NANOGNB: variants seen among roughly 807,000 people sequenced by gnomAD.
NANOGNB encodes the protein homeobox C14.
In NANOGNB, 30 loss-of-function variants were observed where a neutral mutation model predicts 25.0. The ratio of observed to expected loss-of-function variants is 1.20; its 90% confidence interval spans 0.90 to 1.63. The LOEUF (loss-of-function observed/expected upper bound fraction) is 1.63, where lower values mean the gene tolerates loss of function less well. NANOGNB is among the 40% of genes most tolerant of loss of function. The pLI is 0.00. For missense variants in NANOGNB, 200 were observed against 188.1 expected, an observed-to-expected ratio of 1.06 and a Z score of -0.37; for synonymous variants, 84 against 62.1, an observed-to-expected ratio of 1.35 and a Z score of -1.66.
intron 1 of NANOGNB, chr12:7,766,191 C>A (rs1337759053): frequency 1.3e-5 from 5 of 398,554 alleles, no homozygotes; most frequent in Admixed American, 8.8e-5. Flanking sequence ...TGGGGACAGG[C>A]CAGGCACAGT....
At chr12:7,767,469 C>G (rs139336502) in intron 1 of NANOGNB, among the ~76,000 whole-genome samples, 1 of 150,784 alleles carries the variant, frequency 6.6e-6, no homozygotes, top group African/African-American at 2.4e-5. Flanking sequence ...AATGCCAAGG[C>G]GGACAGATCA....
chr12:7,770,616 A>G (rs1266601952), intron 3 of NANOGNB, 98 bp downstream of exon 3: 6 of 774,296 alleles, frequency 7.7e-6, no homozygotes, highest in Non-Finnish European at 1.0e-5. Context: ...ATGCCCATAA[A>G]CTTTTTTTTT....
intron 3 of NANOGNB, among the ~76,000 whole-genome samples, chr12:7,772,824 T>C (rs1281810977): frequency 6.6e-6 from 1 of 151,958 alleles, no homozygotes; most frequent in Non-Finnish European, 1.5e-5. Context: ...CCTCAAGTGA[T>C]CTGCTTGCCT....
intron 1 of NANOGNB, chr12:7,765,945 G>A (rs796426119): frequency 7.6e-6 from 3 of 392,314 alleles, no homozygotes; most frequent in East Asian, 3.6e-5. Flanking sequence ...CTGGATTAGA[G>A]CTACATGTAA....
chr12:7,769,942 T>A, intron 1 of NANOGNB, 41 bp from the exon 2 acceptor site: 1 of 1,406,502 alleles, frequency 7.1e-7, no homozygotes, highest in Non-Finnish European at 9.5e-7. Flanking sequence ...AAGTCAAATT[T>A]AGCTGCAGCT....
Position 7,770,071 on chromosome 12 carries a change from G to A in NANOGNB, c.191G>A (p.Arg64Lys), listed in dbSNP as rs1249277936. The A allele has an allele frequency of 6.5e-7, 1 of 1,542,238 alleles. No homozygotes were observed. Among genetic ancestry groups the A allele is most frequent in the South Asian group, 1.2e-5 (1 of 82,782 alleles). Residue 64 changes from arginine (R) to lysine (K), a missense_variant, in exon 2 of 4, where the codon AGA becomes AAA. Transcript: ENST00000382119. ...EDEQNGKQKW[R>K]EEGEAGRKRE... is the part of the protein sequence containing the mutation. Reference sequence around the variant, plus strand: ...GAACAAAATGGAAAGCAGAAATGGAGAGAAGAAGGAGAAGCAGGCAGAAAG... The same window carrying A: ...GAACAAAATGGAAAGCAGAAATGGAAAGAAGAAGGAGAAGCAGGCAGAAAG...
intron 3 of NANOGNB, among the ~76,000 whole-genome samples, chr12:7,773,544 TAC>T (rs1862606300): frequency 3.2e-4 from 2 of 6,258 alleles, no homozygotes. Flanking sequence ...CTACTAAAAA[TAC>T]AAAAAAAAAA....
chr12:7,769,772 C>T (rs1865275356), intron 1 of NANOGNB, among the ~76,000 whole-genome samples: 1 of 152,086 alleles, frequency 6.6e-6, no homozygotes, highest in African/African-American at 2.4e-5. Context: ...ATGATCTGCC[C>T]GCCTCAGCCT....
chr12:7,766,664 T>G (rs1480743820), intron 1 of NANOGNB, among the ~76,000 whole-genome samples: 1 of 152,084 alleles, frequency 6.6e-6, no homozygotes, highest in African/African-American at 2.4e-5. Flanking sequence ...GACCTCCCCC[T>G]CCCGGGGTTC....
At chr12:7,767,566 TA>T (rs1169587735) in intron 1 of NANOGNB, among the ~76,000 whole-genome samples, 3 of 152,008 alleles carry the variant, frequency 2.0e-5, no homozygotes, top group Admixed American at 1.3e-4. Flanking sequence ...ATAAATACAT[TA>T]TTTTTTTAAA....
At chr12:7,766,353 G>T (rs1014803171) in intron 1 of NANOGNB, among the ~76,000 whole-genome samples, 20 of 152,118 alleles carry the variant, frequency 1.3e-4, no homozygotes, top group African/African-American at 4.1e-4. Context: ...CACGCCTGTA[G>T]TCCCAGCTAC....
chr12:7,770,634 C>T (rs1027858835), intron 3 of NANOGNB, 116 bp downstream of exon 3: 22 of 617,644 alleles, frequency 3.6e-5, no homozygotes, highest in East Asian at 1.2e-4. Flanking sequence ...TTTTTTGAGA[C>T]GGAGTTTCGC....
chr12:7,767,381 G>GT (rs63721661), intron 1 of NANOGNB, among the ~76,000 whole-genome samples: 4,769 of 140,192 alleles, frequency 0.034, 161 homozygotes, highest in South Asian at 0.15. Flanking sequence ...TTACAAGAGG[G>GT]TTTTTTTTTT....
Position 7,773,983 on chromosome 12 carries a change from T to C in NANOGNB, c.*132T>C, listed in dbSNP as rs1225427333. The stretch of plus-strand genomic sequence containing the variant: ...AGGATAAACAAGAAAACATTAACAG[T>C]CGTTGATTCCGTGGAGTAGAACTAA... On this transcript the variant is annotated 3_prime_UTR_variant, in exon 4 of 4. Transcript: ENST00000382119. 2 of 456,262 alleles carry C rather than the reference T, an allele frequency of 4.4e-6. No homozygotes were observed. The highest frequency in any genetic ancestry group is 7.7e-6 in the Non-Finnish European group (2 of 260,646). The allele number at this position is 456,262 out of a possible 1,614,324, so 28.3% of individuals were successfully genotyped here. A position where few individuals can be genotyped will look rare whatever the true frequency, so the allele number is the denominator to read the frequency against.
At chr12:7,771,825 T>A (rs1387832965) in intron 3 of NANOGNB, among the ~76,000 whole-genome samples, 2 of 151,910 alleles carry the variant, frequency 1.3e-5, no homozygotes, top group South Asian at 4.2e-4. Context: ...TTCACCATGT[T>A]GGCCAGGCTG....
At position 7,773,546 on chromosome 12, in the gene NANOGNB, C is replaced by CAAAAAAAAAAAAAA. The variant is rs869038102; in HGVS notation, c.516-234_516-221dup. ...TGAAACTCCATCTCTACTAAAAATA[C>CAAAAAAAAAAAAAA]AAAAAAAAAAAAAAAAAAAAAAAAA... On this transcript the variant is annotated intron_variant, in intron 3 of 3. Coordinates refer to ENST00000382119, the MANE Select transcript of NANOGNB (RefSeq NM_001145465.1). Among the ~76,000 whole-genome samples, 57 of 15,448 alleles carry CAAAAAAAAAAAAAA rather than the reference C, an allele frequency of 3.7e-3. 10 individuals carry two copies. Among genetic ancestry groups the CAAAAAAAAAAAAAA allele is most frequent in the Non-Finnish European group, 4.7e-3 (48 of 10,306 alleles). 10.1% of individuals were successfully genotyped at this position (15,448 alleles called of 152,430 possible). A position where few individuals can be genotyped will look rare whatever the true frequency, so the allele number is the denominator to read the frequency against.
chr12:7,767,497 G>C (rs972892621), intron 1 of NANOGNB, among the ~76,000 whole-genome samples: 1 of 151,328 alleles, frequency 6.6e-6, no homozygotes, highest in Non-Finnish European at 1.5e-5. Flanking sequence ...TGACGATTTC[G>C]AGACCAACAA....
chr12:7,768,941 G>A (rs1326255975), intron 1 of NANOGNB, among the ~76,000 whole-genome samples: 1 of 151,800 alleles, frequency 6.6e-6, no homozygotes, highest in East Asian at 1.9e-4. Context: ...CTTGTTACTG[G>A]CATTTTTAGA....
At chr12:7,769,649 C>G (rs1299348728) in intron 1 of NANOGNB, among the ~76,000 whole-genome samples, 1 of 151,844 alleles carries the variant, frequency 6.6e-6, no homozygotes, top group Non-Finnish European at 1.5e-5. Flanking sequence ...GCCTCAGCCT[C>G]CCGAGTAGCA....
Sources: gnomAD v4.1 joint callset for allele counts (sites outside exome capture counted in the v4.1 genomes callset) on GRCh38, gnomAD v4.1.1 for gene constraint, MANE v1.5 for transcripts, NCBI Gene and HGNC (gene_info 2026-07-23, HGNC 2026-07-21) for gene names.